The following BRD10 variants were observed in gnomAD, a reference collection of about 807,000 sequenced individuals.
BRD10 encodes bromodomain containing 10.
the BRD10 span, among the ~76,000 whole-genome samples, chr9:5,956,799 T>C: frequency 6.6e-6 from 1 of 152,184 alleles, no homozygotes; most frequent in Admixed American, 6.5e-5. Flanking sequence ...TAGAGTACTG[T>C]AATTGTCTGT....
chr9:5,957,444 A>C, the BRD10 span, among the ~76,000 whole-genome samples: 1 of 152,180 alleles, frequency 6.6e-6, no homozygotes, highest in Non-Finnish European at 1.5e-5. Flanking sequence ...TAATCTTAAC[A>C]ATACAGCCAA....
the BRD10 span, among the ~76,000 whole-genome samples, chr9:5,996,600 G>C: frequency 6.6e-6 from 1 of 152,144 alleles, no homozygotes; most frequent in African/African-American, 2.4e-5. Flanking sequence ...CAAAGTGCTG[G>C]GATTATAGGC....
At chr9:5,983,868 C>G in the BRD10 span, among the ~76,000 whole-genome samples, 2 of 151,482 alleles carry the variant, frequency 1.3e-5, no homozygotes, top group Admixed American at 6.6e-5. Flanking sequence ...AGTCAGCAGG[C>G]TTCTTTTAAA....
chr9:5,879,360 C>A, the BRD10 span, among the ~76,000 whole-genome samples: 2 of 150,896 alleles, frequency 1.3e-5, no homozygotes, highest in Middle Eastern at 3.4e-3. Context: ...GGCAACAGAG[C>A]AAGACTCTGT....
At chr9:5,998,332 G>C in the BRD10 span, among the ~76,000 whole-genome samples, 1 of 152,008 alleles carries the variant, frequency 6.6e-6, no homozygotes, top group Non-Finnish European at 1.5e-5. Context: ...CTAATCACTG[G>C]ATTGCTAAAA....
At chr9:5,915,157 A>T in the BRD10 span, among the ~76,000 whole-genome samples, 1 of 152,088 alleles carries the variant, frequency 6.6e-6, no homozygotes, top group Non-Finnish European at 1.5e-5. Context: ...TTCCCTTAAA[A>T]AATACCTTTC....
the BRD10 span, chr9:6,007,607 C>T: frequency 1.2e-6 from 2 of 1,606,488 alleles, no homozygotes; most frequent in African/African-American, 1.3e-5. Context: ...ACCATCGCCT[C>T]CATCTCTTCC....
the BRD10 span, chr9:5,922,592 T>C: frequency 3.1e-6 from 5 of 1,613,870 alleles, no homozygotes; most frequent in African/African-American, 2.7e-5. Context: ...AGATGAACAA[T>C]GTTGTTCTGT....
the BRD10 span, chr9:5,922,407 A>G: frequency 4.5e-4 from 734 of 1,614,036 alleles, 1 homozygote; most frequent in African/African-American, 1.7e-3. Context: ...GATGGTGTTA[A>G]TAAGTTACTT....
At chr9:5,887,071 C>T in the BRD10 span, among the ~76,000 whole-genome samples, 1 of 152,062 alleles carries the variant, frequency 6.6e-6, no homozygotes, top group Non-Finnish European at 1.5e-5. Context: ...CCAGCCTGGC[C>T]AAAATAGCAA....
the BRD10 span, chr9:5,922,744 C>G: frequency 1.9e-6 from 3 of 1,613,994 alleles, no homozygotes; most frequent in Non-Finnish European, 2.5e-6. Context: ...GCACCTGAAT[C>G]TTTACAGAGC....
At chr9:5,920,623 T>A in the BRD10 span, 1 of 1,614,004 alleles carries the variant, frequency 6.2e-7, no homozygotes, top group South Asian at 1.1e-5. Flanking sequence ...TTGAAATCCC[T>A]GGTGAATGGA....
the BRD10 span, among the ~76,000 whole-genome samples, chr9:5,971,300 C>T: frequency 2.0e-5 from 3 of 152,142 alleles, no homozygotes; most frequent in African/African-American, 7.2e-5. Flanking sequence ...CTAGAAACCT[C>T]ATACACTGTA....
chr9:5,990,027 G>A, the BRD10 span, among the ~76,000 whole-genome samples: 755 of 152,302 alleles, frequency 5.0e-3, 7 homozygotes, highest in African/African-American at 0.017. Context: ...GTTATACGGT[G>A]ATAACACTAT....
chr9:5,910,235 C>T, the BRD10 span: 1 of 152,082 alleles, frequency 6.6e-6, no homozygotes, highest in Non-Finnish European at 1.5e-5. Context: ...CAGTAAACCA[C>T]CTAAAAATCA....
the BRD10 span, among the ~76,000 whole-genome samples, chr9:5,916,491 G>GTA: frequency 2.0e-5 from 3 of 149,228 alleles, no homozygotes; most frequent in African/African-American, 4.9e-5. Context: ...ATGTATGTGT[G>GTA]TATATATATG....
chr9:5,954,016 C>G, the BRD10 span: 2 of 1,543,680 alleles, frequency 1.3e-6, no homozygotes, highest in Non-Finnish European at 1.8e-6. Flanking sequence ...AAACATTTAC[C>G]TGAAACTCTG....
chr9:5,957,339 T>C, the BRD10 span, among the ~76,000 whole-genome samples: 4 of 152,206 alleles, frequency 2.6e-5, no homozygotes, highest in Admixed American at 1.3e-4. Flanking sequence ...CCTTCCATTA[T>C]GTAATTCTAC....
At chr9:5,920,839 T>G in the BRD10 span, 1 of 1,613,988 alleles carries the variant, frequency 6.2e-7, no homozygotes, top group Non-Finnish European at 8.5e-7. Context: ...GAACAGATGA[T>G]GCAAGGTGTC....
Sources: gnomAD v4.1 joint callset for allele counts (sites outside exome capture counted in the v4.1 genomes callset) on GRCh38, gnomAD v4.1.1 for gene constraint, MANE v1.5 for transcripts, NCBI Gene and HGNC (gene_info 2026-07-23, HGNC 2026-07-21) for gene names.